Variants in CNTN1 observed in about 807,000 individuals in gnomAD.
CNTN1 encodes the protein contactin-1.
A neutral mutation model predicts 126.4 loss-of-function variants in CNTN1; 38 were observed. The ratio of observed to expected loss-of-function variants is 0.30; its 90% confidence interval spans 0.23 to 0.39. The LOEUF (loss-of-function observed/expected upper bound fraction) is 0.39. Among genes scored for constraint, CNTN1 ranks in the 10% least tolerant of loss-of-function variants. The probability of loss-of-function intolerance (pLI) is 1.00; values close to 1 mark genes in which losing one functional copy is unlikely to be tolerated. For missense variants in CNTN1, 1,009 were observed against 1,248.4 expected (o/e 0.81, Z 2.89); for synonymous variants, 413 against 422.6 (o/e 0.98, Z 0.28).
At chr12:40,916,502 G>T (rs991484991) in intron 3 of CNTN1, among the ~76,000 whole-genome samples, 4 of 152,058 alleles carry the variant, frequency 2.6e-5, no homozygotes, top group Non-Finnish European at 4.4e-5. Context: ...TCAGGATTCA[G>T]GATTCATTTC....
intron 1 of CNTN1, among the ~76,000 whole-genome samples, chr12:40,883,421 T>C (rs1199836009): frequency 6.6e-6 from 1 of 151,646 alleles, no homozygotes. Flanking sequence ...AGCGTCATAA[T>C]ATTTCAAAGG....
At chr12:40,985,031 T>C (rs947500860) in intron 16 of CNTN1, among the ~76,000 whole-genome samples, 2 of 152,096 alleles carry the variant, frequency 1.3e-5, no homozygotes, top group Admixed American at 1.3e-4. Flanking sequence ...TGGGATCAAC[T>C]ACTTTCAACT....
Position 41,029,153 on chromosome 12 carries a change from T to C in CNTN1, c.2914T>C (p.Tyr972His), listed in dbSNP as rs1205102152. Reference sequence around the variant, plus strand: ...AGTCCCAATCCCCAGAGATGGAGAATACGTTGTGGAGGTTCGCGCGCACAG... The same window carrying C: ...AGTCCCAATCCCCAGAGATGGAGAACACGTTGTGGAGGTTCGCGCGCACAG... ...IEVPIPRDGE[Y>H]VVEVRAHSDG... Residue 972 changes from tyrosine to histidine, a missense_variant, in exon 23 of 24, where the codon TAC becomes CAC. Tyr to His is a moderately conservative substitution (Grantham distance 83). Transcript: ENST00000551295. The C allele has an allele frequency of 6.2e-7, 1 of 1,613,976 alleles. No individual in the cohort carries two copies. The highest frequency in any genetic ancestry group is 1.3e-5 in the African/African-American group (1 of 74,900).
At chr12:40,845,802 C>G (rs967644143) in intron 1 of CNTN1, among the ~76,000 whole-genome samples, 1 of 152,140 alleles carries the variant, frequency 6.6e-6, no homozygotes, top group Non-Finnish European at 1.5e-5. Context: ...CACTCCCCAA[C>G]CCCCATAACT....
intron 5 of CNTN1, 55 bp from the exon 6 acceptor site, chr12:40,924,502 C>A: frequency 1.1e-6 from 1 of 925,174 alleles, no homozygotes; most frequent in Non-Finnish European, 1.8e-6. Context: ...TGATGAATGT[C>A]TCTCTTTCTA....
At chr12:40,778,669 TAAAAAAC>T (rs1412524158) in intron 1 of CNTN1, among the ~76,000 whole-genome samples, 1 of 151,746 alleles carries the variant, frequency 6.6e-6, no homozygotes, top group Non-Finnish European at 1.5e-5. Context: ...GGTTTTATCT[TAAAAAAC>T]AAAACAAAAC....
chr12:40,736,496 G>A (rs1359846255), intron 1 of CNTN1, among the ~76,000 whole-genome samples: 1 of 152,018 alleles, frequency 6.6e-6, no homozygotes, highest in Non-Finnish European at 1.5e-5. Flanking sequence ...TGATCACAGT[G>A]AAATAAGTGG....
chr12:40,762,038 A>T (rs559157639), intron 1 of CNTN1, among the ~76,000 whole-genome samples: 1 of 152,348 alleles, frequency 6.6e-6, no homozygotes, highest in African/African-American at 2.4e-5. Flanking sequence ...CAAGGTCTTT[A>T]CATTCCAGAC....
intron 4 of CNTN1, among the ~76,000 whole-genome samples, chr12:40,921,239 G>T (rs1459031409): frequency 6.6e-6 from 1 of 151,602 alleles, no homozygotes; most frequent in African/African-American, 2.4e-5. Context: ...AAAGTCATTA[G>T]GACTTTTGGG....
At chr12:40,720,667 G>A (rs767035325) in intron 1 of CNTN1, among the ~76,000 whole-genome samples, 91 of 152,250 alleles carry the variant, frequency 6.0e-4, no homozygotes, top group Admixed American at 6.5e-4. Flanking sequence ...GGTGGCTCAT[G>A]TCTGTAATCC....
intron 1 of CNTN1, among the ~76,000 whole-genome samples, chr12:40,861,289 A>T (rs1943108624): frequency 6.6e-6 from 1 of 152,022 alleles, no homozygotes; most frequent in South Asian, 2.1e-4. Flanking sequence ...ACATTAGATG[A>T]AATGTTTTAT....
At chr12:41,031,827 C>T (rs1949150897) in intron 23 of CNTN1, among the ~76,000 whole-genome samples, 1 of 152,048 alleles carries the variant, frequency 6.6e-6, no homozygotes, top group South Asian at 2.1e-4. Context: ...TAACACCATT[C>T]TAGAATATTC....
At chr12:40,968,165 T>G (rs1371778767) in intron 15 of CNTN1, among the ~76,000 whole-genome samples, 2 of 152,100 alleles carry the variant, frequency 1.3e-5, no homozygotes, top group Non-Finnish European at 2.9e-5. Context: ...GCAGACAGTC[T>G]AATTTCAGGT....
chr12:41,029,040 T>C lies in CNTN1; in HGVS notation c.2824-23T>C, dbSNP rs564220660. ...CTCATTATTATGACTTTACTGCATA[T>C]TTACATTTCTGTACTTTATAAGGTA... On this transcript the variant is annotated intron_variant, in intron 22 of 23. Coordinates refer to ENST00000551295, the MANE Select transcript of CNTN1 (RefSeq NM_001843.4). 2.5e-6 allele frequency: 4 copies of C among 1,612,602 alleles called. No individual in the cohort carries two copies. In the Admixed American group the frequency reaches 6.7e-5, roughly 27 times the overall value.
intron 9 of CNTN1, 144 bp from the exon 10 acceptor site, chr12:40,936,637 A>G: frequency 1.1e-6 from 1 of 898,330 alleles, no homozygotes; most frequent in Non-Finnish European, 1.8e-6. Flanking sequence ...ATGCAAAGAC[A>G]AGGCCTATTA....
intron 1 of CNTN1, among the ~76,000 whole-genome samples, chr12:40,708,869 A>T (rs188403150): frequency 1.3e-5 from 2 of 152,254 alleles, no homozygotes; most frequent in African/African-American, 4.8e-5. Context: ...TCCACTTCTA[A>T]TTCTATTTTT....
intron 1 of CNTN1, among the ~76,000 whole-genome samples, chr12:40,860,684 G>T (rs960629221): frequency 3.9e-5 from 6 of 152,006 alleles, no homozygotes; most frequent in African/African-American, 1.2e-4. Context: ...TGGGACAAGG[G>T]GCAGGAGCTT....
intron 1 of CNTN1, among the ~76,000 whole-genome samples, chr12:40,705,645 A>G (rs1307311405): frequency 6.6e-6 from 1 of 152,048 alleles, no homozygotes; most frequent in African/African-American, 2.4e-5. Context: ...CTCGTCATCT[A>G]GCATTAGGTA....
rs532248215 is a variant in CNTN1 at position 40,873,603 on chromosome 12, T to C, written c.-76-34754T>C. 1.3e-4 allele frequency among the ~76,000 whole-genome samples: 20 copies of C among 152,336 alleles called. No homozygotes were observed. In the East Asian group the frequency reaches 3.9e-3, roughly 29 times the overall value. ...TTTTAGTGTGTTAGGCCAAAGGATATTTATAATGATATGAAAAGCCTTAAC... is the reference window on the plus strand; with the variant it reads ...TTTTAGTGTGTTAGGCCAAAGGATACTTATAATGATATGAAAAGCCTTAAC... On this transcript the variant is annotated intron_variant, in intron 1 of 23. Transcript: ENST00000551295.
Sources: gnomAD v4.1 joint callset for allele counts (sites outside exome capture counted in the v4.1 genomes callset) on GRCh38, gnomAD v4.1.1 for gene constraint, MANE v1.5 for transcripts, NCBI Gene and HGNC (gene_info 2026-07-23, HGNC 2026-07-21) for gene names.